Variants in UBAC2 observed in about 807,000 individuals in gnomAD.
UBAC2 encodes the protein UBA domain containing 2.
Under a neutral mutation model 44.0 loss-of-function variants are expected in UBAC2, and 26 were observed. The observed-to-expected ratio is 0.59, with a 90% CI of 0.43 to 0.82. The LOEUF (loss-of-function observed/expected upper bound fraction) is 0.82. Ranked by LOEUF, UBAC2 falls within the 40% of genes least tolerant of loss-of-function variation. UBAC2 has a pLI of 0.00. For synonymous variants in UBAC2, 155 were observed against 154.3 expected (o/e 1.00, Z -0.04); for missense variants, 329 against 419.4 (o/e 0.78, Z 1.88).
intron 2 of UBAC2, among the ~76,000 whole-genome samples, chr13:99,240,114 T>C (rs1009045444): frequency 3.9e-5 from 6 of 152,186 alleles, no homozygotes; most frequent in African/African-American, 1.4e-4. Flanking sequence ...GCTCAGTTGA[T>C]GAAGGGCTTT....
chr13:99,333,031 A>T (rs982772572), intron 6 of UBAC2, among the ~76,000 whole-genome samples: 1 of 152,188 alleles, frequency 6.6e-6, no homozygotes, highest in African/African-American at 2.4e-5. Flanking sequence ...GGAGGCCAAG[A>T]TGGGAAGATC....
chr13:99,317,134 T>G (rs2044503200), intron 5 of UBAC2, among the ~76,000 whole-genome samples: 1 of 152,192 alleles, frequency 6.6e-6, no homozygotes, highest in Non-Finnish European at 1.5e-5. Flanking sequence ...CTCTTACCTT[T>G]TGTGTCTGTC....
intron 4 of UBAC2, among the ~76,000 whole-genome samples, chr13:99,306,122 C>G (rs2044330377): frequency 6.6e-6 from 1 of 152,126 alleles, no homozygotes; most frequent in Non-Finnish European, 1.5e-5. Flanking sequence ...TCTCGAACTC[C>G]TGATCTCAGG....
At chr13:99,306,614 A>G (rs2044340517) in intron 4 of UBAC2, among the ~76,000 whole-genome samples, 1 of 152,120 alleles carries the variant, frequency 6.6e-6, no homozygotes, top group Non-Finnish European at 1.5e-5. Context: ...TTCTGTTACC[A>G]CCATTCCCAA....
At chr13:99,379,076 A>G (rs1187268532) in intron 8 of UBAC2, among the ~76,000 whole-genome samples, 1 of 152,254 alleles carries the variant, frequency 6.6e-6, no homozygotes, top group Non-Finnish European at 1.5e-5. Context: ...TGTGAGACCA[A>G]TCAGAAAAGA....
chr13:99,281,357 A>G (rs541582045), intron 4 of UBAC2, among the ~76,000 whole-genome samples: 1 of 152,256 alleles, frequency 6.6e-6, no homozygotes, highest in African/African-American at 2.4e-5. Flanking sequence ...TAATCCATTC[A>G]TTCTTATATT....
intron 7 of UBAC2, among the ~76,000 whole-genome samples, chr13:99,349,791 G>A (rs375134758): frequency 2.0e-5 from 3 of 152,204 alleles, no homozygotes; most frequent in Non-Finnish European, 4.4e-5. Context: ...GACAAGGAGC[G>A]TGACCGTTGA....
In UBAC2 at chr13:99,314,157, G is replaced by C; in HGVS notation, c.450G>C (p.Val150=). The part of the protein sequence containing the change: ...PFYCSIPRVQ[V]AQILGPLSIT... ...ACTGCTCCATACCAAGAGTCCAAGT[G>C]GCACAAATTCTGGGTCCGTTGTCCA... Residue 150 remains valine (V), a synonymous_variant, in exon 5 of 9, where the codon GTG becomes GTC. Transcript: ENST00000403766. 3.1e-6 allele frequency: 5 copies of C among 1,613,676 alleles called. No homozygotes were observed. The South Asian group carries it at 5.5e-5, about 18-fold the overall frequency.
chr13:99,250,214 A>G (rs2043440628), intron 4 of UBAC2, among the ~76,000 whole-genome samples: 2 of 152,164 alleles, frequency 1.3e-5, no homozygotes, highest in South Asian at 2.1e-4. Context: ...TATATCTTTA[A>G]TCCATCTTGA....
At chr13:99,239,167 A>G (rs2043272494) in intron 2 of UBAC2, among the ~76,000 whole-genome samples, 1 of 152,242 alleles carries the variant, frequency 6.6e-6, no homozygotes, top group South Asian at 2.1e-4. Flanking sequence ...CATTTTAAGC[A>G]TAATAATCCA....
At chr13:99,236,975 TA>T (rs35801009) in intron 1 of UBAC2, among the ~76,000 whole-genome samples, 82,881 of 148,920 alleles carry the variant, frequency 0.56, 25,057 homozygotes, top group Non-Finnish European at 0.71. Flanking sequence ...TGGAGGTTCT[TA>T]AAAAAAAAAA....
At chr13:99,202,833 C>T (rs1002126464) in intron 1 of UBAC2, among the ~76,000 whole-genome samples, 22 of 152,076 alleles carry the variant, frequency 1.4e-4, no homozygotes, top group African/African-American at 5.3e-4. Flanking sequence ...TGGGCATCTC[C>T]TCTGGGCGAT....
At chr13:99,300,884 C>A (rs1266679622) in intron 4 of UBAC2, among the ~76,000 whole-genome samples, 2 of 152,022 alleles carry the variant, frequency 1.3e-5, no homozygotes, top group East Asian at 3.8e-4. Context: ...GTATAGTTAT[C>A]TTTTAATTAT....
At chr13:99,250,225 A>G (rs1418994572) in intron 4 of UBAC2, among the ~76,000 whole-genome samples, 1 of 152,142 alleles carries the variant, frequency 6.6e-6, no homozygotes, top group Non-Finnish European at 1.5e-5. Flanking sequence ...TCCATCTTGA[A>G]TTAATTTTTG....
At chr13:99,330,143 A>T (rs1421962895) in intron 6 of UBAC2, among the ~76,000 whole-genome samples, 1 of 151,982 alleles carries the variant, frequency 6.6e-6, no homozygotes, top group African/African-American at 2.4e-5. Flanking sequence ...TGTTTTCCCA[A>T]TTGTTTGTCA....
rs1377332668 is a variant in UBAC2, at chr13:99,249,780, A to G, written c.389+5156A>G. Among the ~76,000 whole-genome samples, 3 of 151,916 alleles carry G rather than the reference A, an allele frequency of 2.0e-5. No individual in the cohort carries two copies. In the East Asian group the frequency reaches 6.0e-4, roughly 30 times the overall value. ...TTTAGTAGCCATTCTGACTGGTGTGAGATGGTATCTCATTGTGGTTTTGAT... is the reference window on the plus strand; with the variant it reads ...TTTAGTAGCCATTCTGACTGGTGTGGGATGGTATCTCATTGTGGTTTTGAT... On this transcript the variant is annotated intron_variant, in intron 4 of 8. Coordinates refer to ENST00000403766, the MANE Select transcript of UBAC2 (RefSeq NM_001144072.2).
chr13:99,325,088 T>G (rs900481023), intron 6 of UBAC2, among the ~76,000 whole-genome samples: 1 of 147,396 alleles, frequency 6.8e-6, no homozygotes, highest in Non-Finnish European at 1.5e-5. Context: ...ATAACTTTAG[T>G]GTCTATGCTC....
At chr13:99,230,103 A>G (rs767548818) in intron 1 of UBAC2, among the ~76,000 whole-genome samples, 1 of 152,206 alleles carries the variant, frequency 6.6e-6, no homozygotes, top group Non-Finnish European at 1.5e-5. Flanking sequence ...CCTCAGGGAC[A>G]TGATAATCAC....
In UBAC2 at chr13:99,200,921, A is replaced by G; in HGVS notation, c.13A>G (p.Thr5Ala). The G allele has an allele frequency of 7.7e-7, 1 of 1,306,632 alleles. No individual in the cohort carries two copies. Among genetic ancestry groups the G allele is most frequent in the Non-Finnish European group, 9.8e-7 (1 of 1,019,392 alleles). The allele number at this position is 1,306,632 out of a possible 1,614,324, so 80.9% of individuals were successfully genotyped here. MFTS[T>A]GSSGLYKAPL... is the part of the protein sequence containing the mutation. ...GCCCGGCGGGACCATGTTCACCAGC[A>G]CCGGCTCCAGTGGGCTCTGTGAGTA... Residue 5 changes from threonine (T) to alanine (A), a missense_variant, in exon 1 of 9, where the codon ACC (threonine) becomes GCC (alanine). Coordinates refer to ENST00000403766, the MANE Select transcript of UBAC2 (RefSeq NM_001144072.2).
Sources: allele counts gnomAD v4.1 joint callset (sites outside exome capture counted in the v4.1 genomes callset), GRCh38; gene constraint gnomAD v4.1.1; transcripts MANE v1.5; gene names NCBI Gene and HGNC (gene_info 2026-07-23, HGNC 2026-07-21).